The following TRPM6 variants were observed in gnomAD, a reference collection of about 807,000 sequenced individuals.
The protein encoded by TRPM6 is transient receptor potential cation channel subfamily M member 6, also known as channel kinase 2.
TRPM6 carries 111 observed loss-of-function variants against 247.6 expected under a neutral mutation model. That is an observed-to-expected ratio of 0.45 (90% CI 0.38 to 0.52). The LOEUF (loss-of-function observed/expected upper bound fraction) is 0.52. TRPM6 is among the 20% of genes least tolerant of loss of function. TRPM6 has a pLI of 0.00. For synonymous variants in TRPM6, 892 were observed against 853.8 expected (o/e 1.04, Z -0.78); for missense variants, 2,126 against 2,421.5 (o/e 0.88, Z 2.56).
At position 74,755,401 on chromosome 9, in the gene TRPM6, C is replaced by T. The variant is rs368091903; in HGVS notation, c.4858G>A (p.Glu1620Lys). 10 of 1,614,054 alleles carry T rather than the reference C, an allele frequency of 6.2e-6. No individual in the cohort carries two copies. Among genetic ancestry groups the T allele is most frequent in the African/African-American group, 4.0e-5 (3 of 74,932 alleles). The change falls in exon 28 of 39, where the codon GAG becomes AAG. Residue 1620 changes from glutamate to lysine, a missense_variant. Coordinates refer to ENST00000360774, the MANE Select transcript of TRPM6 (RefSeq NM_017662.5). The part of the protein sequence containing the change: ...PEPGENSISE[E>K]EYSKNWFTVS... ...GTGAACCAGTTCTTGCTGTACTCCT[C>T]TTCAGAGATGCTGTTTTCTCCTGGC...
rs59490187 is a variant in TRPM6 at position 74,801,243 on chromosome 9, A to ATTTTTTT, written c.2009+648_2009+654dup. Among the ~76,000 whole-genome samples, 101 of 85,294 alleles carry ATTTTTTT rather than the reference A, an allele frequency of 1.2e-3. 3 individuals carry two copies. Among genetic ancestry groups the ATTTTTTT allele is most frequent in the African/African-American group, 4.2e-3 (96 of 22,828 alleles). The allele number at this position is 85,294 out of a possible 152,430, so 56.0% of individuals were successfully genotyped here. On this transcript the variant is annotated intron_variant, in intron 16 of 38. Transcript: ENST00000360774. ...GTGAGCCACTGCACCAAGCCTGGGA[A>ATTTTTTT]TTTTTTTTTTTTTTTTTTTTTTTTT...
intron 18 of TRPM6, among the ~76,000 whole-genome samples, chr9:74,793,663 T>G (rs1827982762): frequency 6.6e-6 from 1 of 152,232 alleles, no homozygotes; most frequent in African/African-American, 2.4e-5. Flanking sequence ...CATAGGAAAT[T>G]CAGGCACTGC....
At position 74,724,406 on chromosome 9, in the gene TRPM6, G is replaced by T; in HGVS notation, c.*207C>A. On this transcript the variant is annotated 3_prime_UTR_variant, in exon 39 of 39. Coordinates refer to ENST00000360774, the MANE Select transcript of TRPM6 (RefSeq NM_017662.5). ...TCTTCGTGTGGAACTTGAGGATGGA[G>T]CTGCAAAGTGCCCTGGACAGAGGTC... 1 of 635,640 alleles carries T rather than the reference G, an allele frequency of 1.6e-6. No homozygotes were observed. The highest frequency in any genetic ancestry group is 2.9e-5 in the East Asian group (1 of 35,036). 39.4% of individuals were successfully genotyped at this position (635,640 alleles called of 1,614,324 possible).
At chr9:74,812,475 A>C in intron 11 of TRPM6, 42 bp from the exon 12 acceptor site, 1 of 1,574,776 alleles carries the variant, frequency 6.4e-7, no homozygotes, top group Non-Finnish European at 8.7e-7. Flanking sequence ...CAATTAAGAA[A>C]GTAGAAATAA....
intron 17 of TRPM6, chr9:74,800,052 C>A (rs930143974): frequency 4.5e-5 from 27 of 603,118 alleles, no homozygotes; most frequent in African/African-American, 9.3e-5. Context: ...TCGCAGAAGA[C>A]GACCATCCCC....
intron 5 of TRPM6, 49 bp downstream of exon 5, chr9:74,839,975 G>A (rs753355661): frequency 5.0e-6 from 7 of 1,406,716 alleles, no homozygotes; most frequent in Non-Finnish European, 7.0e-6. Context: ...GGGAGGGAGA[G>A]AGGGAGGGTG....
intron 30 of TRPM6, 21 bp from the exon 31 acceptor site, chr9:74,747,935 G>T: frequency 1.2e-6 from 2 of 1,609,514 alleles, no homozygotes; most frequent in Non-Finnish European, 8.5e-7. Flanking sequence ...AAAAAATGAA[G>T]TTGTTTAGAT....
At chr9:74,840,639 A>T (rs1829904628) in intron 4 of TRPM6, among the ~76,000 whole-genome samples, 1 of 152,152 alleles carries the variant, frequency 6.6e-6, no homozygotes, top group South Asian at 2.1e-4. Flanking sequence ...ACATGGTGAA[A>T]CCCCATCTCT....
chr9:74,768,421 C>T (rs1826902668), intron 25 of TRPM6, among the ~76,000 whole-genome samples: 1 of 152,210 alleles, frequency 6.6e-6, no homozygotes, highest in Admixed American at 6.5e-5. Context: ...AGTTCAAATG[C>T]TCCCCGGGGG....
At chr9:74,794,436 A>T (rs1828018926) in intron 18 of TRPM6, among the ~76,000 whole-genome samples, 1 of 152,082 alleles carries the variant, frequency 6.6e-6, no homozygotes, top group East Asian at 1.9e-4. Context: ...CATTTATTTC[A>T]CTTTGGGCAG....
intron 1 of TRPM6, among the ~76,000 whole-genome samples, chr9:74,870,793 G>A (rs1185903147): frequency 1.3e-5 from 2 of 151,962 alleles, no homozygotes; most frequent in African/African-American, 4.8e-5. Flanking sequence ...GTGTGGTGGT[G>A]TGTGCCTGTA....
intron 25 of TRPM6, among the ~76,000 whole-genome samples, chr9:74,765,639 T>C (rs1826802722): frequency 6.6e-6 from 1 of 152,162 alleles, no homozygotes; most frequent in Admixed American, 6.5e-5. Flanking sequence ...GAAAAATGAT[T>C]CCCGCTCTTA....
chr9:74,861,576 A>G (rs1307454644), intron 1 of TRPM6, among the ~76,000 whole-genome samples: 1 of 152,178 alleles, frequency 6.6e-6, no homozygotes, highest in South Asian at 2.1e-4. Context: ...CTACCTGAAC[A>G]AATTATTCGA....
chr9:74,755,590 A>T (rs781285698), intron 27 of TRPM6, 117 bp from the exon 28 acceptor site: 6 of 1,312,996 alleles, frequency 4.6e-6, no homozygotes, highest in Non-Finnish European at 6.5e-6. Flanking sequence ...TGCATATGAC[A>T]ATTGCCTGGG....
intron 13 of TRPM6, 138 bp from the exon 14 acceptor site, chr9:74,808,312 A>T: frequency 9.3e-7 from 1 of 1,078,356 alleles, no homozygotes; most frequent in Non-Finnish European, 1.4e-6. Flanking sequence ...TGATTAATTT[A>T]AGTGACCAGC....
chr9:74,744,313 C>A, intron 31 of TRPM6, 168 bp from the exon 32 acceptor site: 1 of 696,008 alleles, frequency 1.4e-6, no homozygotes, highest in South Asian at 1.6e-5. Flanking sequence ...CGCATGGTAT[C>A]CTGACAGCTT....
chr9:74,766,182 G>A (rs754757840), intron 25 of TRPM6, among the ~76,000 whole-genome samples: 45 of 152,162 alleles, frequency 3.0e-4, no homozygotes, highest in Non-Finnish European at 5.0e-4. Context: ...CACAGCCACA[G>A]GTAACATGCT....
intron 14 of TRPM6, 136 bp downstream of exon 14, chr9:74,807,898 A>G (rs1334002148): frequency 2.1e-6 from 2 of 967,260 alleles, no homozygotes; most frequent in Non-Finnish European, 3.3e-6. Context: ...TACTTCACAT[A>G]CAGCAGATAA....
At chr9:74,845,091 C>T (rs1329723527) in intron 3 of TRPM6, among the ~76,000 whole-genome samples, 5 of 152,018 alleles carry the variant, frequency 3.3e-5, no homozygotes, top group Non-Finnish European at 5.9e-5. Flanking sequence ...CATCAAAGAT[C>T]GCCGATTAAA....
Sources: allele counts gnomAD v4.1 joint callset (sites outside exome capture counted in the v4.1 genomes callset), GRCh38; gene constraint gnomAD v4.1.1; transcripts MANE v1.5; gene names NCBI Gene and HGNC (gene_info 2026-07-23, HGNC 2026-07-21).